The following GGNBP2 variants were observed in gnomAD, a reference collection of about 807,000 sequenced individuals.
GGNBP2 encodes gametogenetin binding protein 2, also known as gametogenetin-binding protein 2.
Under a neutral mutation model 85.9 loss-of-function variants are expected in GGNBP2, and 10 were observed. The observed-to-expected ratio is 0.12, with a 90% CI of 0.07 to 0.20. The LOEUF is 0.20. Ranked by LOEUF, GGNBP2 falls within the 10% of genes least tolerant of loss-of-function variation. The probability of loss-of-function intolerance (pLI) is 1.00; values close to 1 mark genes in which losing one functional copy is unlikely to be tolerated. For missense variants in GGNBP2, 595 were observed against 857.8 expected, an observed-to-expected ratio of 0.69 and a Z score of 3.83; for synonymous variants, 287 against 285.7, an observed-to-expected ratio of 1.00 and a Z score of -0.05.
chr17:36,582,844 A>G (rs541634185), intron 9 of GGNBP2, among the ~76,000 whole-genome samples: 1 of 152,310 alleles, frequency 6.6e-6, no homozygotes, highest in South Asian at 2.1e-4. Flanking sequence ...AAGGTACTCA[A>G]TGAGCTTTTG....
chr17:36,571,204 A>G (rs2074520784), intron 6 of GGNBP2, among the ~76,000 whole-genome samples: 1 of 152,170 alleles, frequency 6.6e-6, no homozygotes, highest in Admixed American at 6.5e-5. Context: ...AAGCCAAGGC[A>G]GGAGGATCAC....
chr17:36,548,805 G>A (rs1324964132), intron 2 of GGNBP2, among the ~76,000 whole-genome samples: 1 of 151,692 alleles, frequency 6.6e-6, no homozygotes, highest in East Asian at 1.9e-4. Flanking sequence ...ATCAGTGGGT[G>A]TGGTAGAGTG....
intron 6 of GGNBP2, among the ~76,000 whole-genome samples, chr17:36,568,019 A>G (rs994152272): frequency 2.6e-5 from 4 of 150,976 alleles, no homozygotes; most frequent in Admixed American, 1.3e-4. Context: ...TCTGCCTCCC[A>G]GGTTCAAGAG....
intron 9 of GGNBP2, 177 bp downstream of exon 9, chr17:36,581,715 C>CT: frequency 5.1e-6 from 2 of 393,940 alleles, no homozygotes; most frequent in East Asian, 3.7e-5. Context: ...ATCTCTATCT[C>CT]TATTTATTTT....
intron 12 of GGNBP2, chr17:36,586,789 T>C: frequency 2.0e-6 from 1 of 488,020 alleles, no homozygotes; most frequent in South Asian, 2.5e-5. Flanking sequence ...TGGCTAATTT[T>C]TGCATTTTTA....
chr17:36,545,461 C>A, intron 1 of GGNBP2, 158 bp from the exon 2 acceptor site: 1 of 404,290 alleles, frequency 2.5e-6, no homozygotes, highest in South Asian at 7.0e-5. Flanking sequence ...GGGCGGGTCC[C>A]GGCGGCGCTG....
At chr17:36,587,691 A>C (rs1320495226) in intron 13 of GGNBP2, 1 of 164,522 alleles carries the variant, frequency 6.1e-6, no homozygotes, top group Non-Finnish European at 1.3e-5. Flanking sequence ...GATCAAGACC[A>C]TCCTGGCCAA....
At chr17:36,546,136 T>G (rs2074252231) in intron 2 of GGNBP2, 1 of 425,028 alleles carries the variant, frequency 2.4e-6, no homozygotes, top group Non-Finnish European at 4.2e-6. Context: ...TGAAGGATCT[T>G]GGGCGTTTAG....
At chr17:36,567,522 A>G in intron 5 of GGNBP2, 141 bp from the exon 6 acceptor site, 1 of 587,124 alleles carries the variant, frequency 1.7e-6, no homozygotes, top group South Asian at 2.3e-5. Flanking sequence ...GAAGGACGGC[A>G]AGTATAGGAT....
chr17:36,547,942 C>T (rs1270468640), intron 2 of GGNBP2, among the ~76,000 whole-genome samples: 1 of 152,092 alleles, frequency 6.6e-6, no homozygotes, highest in African/African-American at 2.4e-5. Context: ...CTACCAAATA[C>T]TACTGAAAGG....
chr17:36,556,244 C>T (rs1442426440), intron 3 of GGNBP2, among the ~76,000 whole-genome samples: 1 of 152,130 alleles, frequency 6.6e-6, no homozygotes, highest in Non-Finnish European at 1.5e-5. Context: ...TAGTTACTTC[C>T]CTACATAAGG....
At chr17:36,561,013 C>T in intron 5 of GGNBP2, 142 bp downstream of exon 5, 1 of 478,906 alleles carries the variant, frequency 2.1e-6, no homozygotes. Context: ...TAAATAGATC[C>T]TCTTGTTATG....
At chr17:36,563,876 T>C (rs1427020306) in intron 5 of GGNBP2, among the ~76,000 whole-genome samples, 2 of 151,954 alleles carry the variant, frequency 1.3e-5, no homozygotes, top group Non-Finnish European at 2.9e-5. Flanking sequence ...CCCAAGTAGC[T>C]GGGATTACAG....
intron 6 of GGNBP2, among the ~76,000 whole-genome samples, chr17:36,573,060 T>C (rs756463929): frequency 6.6e-6 from 1 of 152,184 alleles, no homozygotes; most frequent in Non-Finnish European, 1.5e-5. Flanking sequence ...GTCACAATAC[T>C]GTGACATTAT....
chr17:36,569,619 C>T (rs550379330), intron 6 of GGNBP2, among the ~76,000 whole-genome samples: 3 of 152,230 alleles, frequency 2.0e-5, no homozygotes, highest in Admixed American at 6.5e-5. Flanking sequence ...ATGACTTCGC[C>T]CGCATACCAA....
At chr17:36,557,593 T>C (rs2074375325) in intron 4 of GGNBP2, among the ~76,000 whole-genome samples, 1 of 152,008 alleles carries the variant, frequency 6.6e-6, no homozygotes. Flanking sequence ...GGTAGAATTA[T>C]TGTGGAGGAT....
intron 6 of GGNBP2, among the ~76,000 whole-genome samples, chr17:36,570,493 A>G (rs774246030): frequency 6.6e-6 from 1 of 152,184 alleles, no homozygotes; most frequent in Admixed American, 6.5e-5. Flanking sequence ...TGAGGTCAGA[A>G]GTTCAAGACC....
At chr17:36,546,185 C>T in intron 2 of GGNBP2, 1 of 393,286 alleles carries the variant, frequency 2.5e-6, no homozygotes, top group Non-Finnish European at 4.5e-6. Context: ...CTCGGGGAGG[C>T]TTAATTACCT....
rs1826299607 is a variant in GGNBP2 at position 36,556,350 on chromosome 17, A to G, written c.175-733A>G. ...TCCATATGATTACCATCCTAACTTG[A>G]CTCCTGTAGCTAAACATAGTGATAG... On this transcript the variant is annotated intron_variant, in intron 3 of 13. Transcript: ENST00000613102. Among the ~76,000 whole-genome samples the G allele has an allele frequency of 2.0e-5, 3 of 152,156 alleles. No individual in the cohort carries two copies. In the South Asian group the frequency reaches 6.2e-4, roughly 32 times the overall value.
Sources: allele counts gnomAD v4.1 joint callset (sites outside exome capture counted in the v4.1 genomes callset), GRCh38; gene constraint gnomAD v4.1.1; transcripts MANE v1.5; gene names NCBI Gene and HGNC (gene_info 2026-07-23, HGNC 2026-07-21).